Variants in RHOH observed in about 807,000 individuals in gnomAD.
RHOH encodes ras homolog family member H, also known as rho-related GTP-binding protein RhoH.
A neutral mutation model predicts 13.8 loss-of-function variants in RHOH; 6 were observed. The observed-to-expected ratio is 0.44, with a 90% confidence interval of 0.24 to 0.86. The LOEUF is 0.86. RHOH is among the 40% of genes least tolerant of loss of function. The pLI is 0.24. For synonymous variants in RHOH, 117 were observed against 103.0 expected (o/e 1.14, Z -0.82); for missense variants, 147 against 244.5 (o/e 0.60, Z 2.66).
At chr4:40,239,527 A>G (rs1398165514) in intron 1 of RHOH, among the ~76,000 whole-genome samples, 1 of 152,212 alleles carries the variant, frequency 6.6e-6, no homozygotes, top group Non-Finnish European at 1.5e-5. Flanking sequence ...AATAGGGACT[A>G]CTTACTGTGT....
chr4:40,235,616 G>GAA lies in RHOH; in HGVS notation c.-330-7088_-330-7087dup, dbSNP rs61162231. Among the ~76,000 whole-genome samples, 964 of 122,346 alleles carry GAA rather than the reference G, an allele frequency of 7.9e-3. 22 individuals carry two copies. The highest frequency in any genetic ancestry group is 0.058 in the East Asian group (243 of 4,188). The allele number at this position is 122,346 out of a possible 152,430, so 80.3% of individuals were successfully genotyped here. Reference sequence around the variant, plus strand: ...AAAAAAAAAAAAAAAAAAGAAAAAAGAAAAAAAAAAAGCAAGAACTGGTTT... The same window carrying GAA: ...AAAAAAAAAAAAAAAAAAGAAAAAAGAAAAAAAAAAAAAGCAAGAACTGGTTT... On this transcript the variant is annotated intron_variant, in intron 1 of 2. Transcript: ENST00000381799.
intron 1 of RHOH, among the ~76,000 whole-genome samples, chr4:40,225,409 T>G (rs1422117326): frequency 6.6e-6 from 1 of 151,300 alleles, no homozygotes; most frequent in Non-Finnish European, 1.5e-5. Context: ...TAAAGTTCAA[T>G]TAAAAAAAAA....
chr4:40,213,216 C>T (rs773634611), intron 1 of RHOH, among the ~76,000 whole-genome samples: 17 of 151,884 alleles, frequency 1.1e-4, no homozygotes, highest in Admixed American at 2.0e-4. Context: ...ATGTGAACAA[C>T]GGTGCAAAAA....
At chr4:40,198,575 C>T (rs2109347003) in intron 1 of RHOH, among the ~76,000 whole-genome samples, 1 of 152,344 alleles carries the variant, frequency 6.6e-6, no homozygotes, top group African/African-American at 2.4e-5. Flanking sequence ...GGGCTGCTTT[C>T]TGCATCCCTG....
chr4:40,200,140 G>T (rs1246166132), intron 1 of RHOH, among the ~76,000 whole-genome samples: 1 of 152,138 alleles, frequency 6.6e-6, no homozygotes, highest in East Asian at 1.9e-4. Context: ...GAGCAAGGAG[G>T]GTGTCAGAGA....
chr4:40,227,687 A>G (rs1727417495), intron 1 of RHOH, among the ~76,000 whole-genome samples: 1 of 152,232 alleles, frequency 6.6e-6, no homozygotes, highest in African/African-American at 2.4e-5. Flanking sequence ...ACATTTAATC[A>G]TAAAAGATTA....
intron 1 of RHOH, among the ~76,000 whole-genome samples, chr4:40,217,523 C>T (rs35220403): frequency 0.012 from 1,807 of 152,196 alleles, 24 homozygotes; most frequent in Non-Finnish European, 0.019. Context: ...TCTATTTTTA[C>T]TAAAAAATCA....
intron 1 of RHOH, among the ~76,000 whole-genome samples, chr4:40,220,858 T>C (rs950346073): frequency 6.6e-6 from 1 of 152,220 alleles, no homozygotes; most frequent in African/African-American, 2.4e-5. Flanking sequence ...AGTTTCAGGG[T>C]CATTATATAT....
chr4:40,200,689 G>C (rs1177241660), intron 1 of RHOH: 1 of 152,164 alleles, frequency 6.6e-6, no homozygotes, highest in African/African-American at 2.4e-5. Flanking sequence ...TCGGGAGCGG[G>C]GTGACTGGGT....
intron 1 of RHOH, among the ~76,000 whole-genome samples, chr4:40,226,806 A>G (rs1727298740): frequency 6.6e-6 from 1 of 152,236 alleles, no homozygotes; most frequent in Non-Finnish European, 1.5e-5. Context: ...GAGATGATCC[A>G]TCTCGAAGGA....
chr4:40,200,848 G>A (rs970572973), intron 1 of RHOH, among the ~76,000 whole-genome samples: 3 of 152,226 alleles, frequency 2.0e-5, no homozygotes, highest in Admixed American at 6.5e-5. Context: ...GCTTTCAAGC[G>A]AAAGCACCAA....
intron 1 of RHOH, among the ~76,000 whole-genome samples, chr4:40,216,863 G>A (rs1725956181): frequency 6.6e-6 from 1 of 152,194 alleles, no homozygotes; most frequent in African/African-American, 2.4e-5. Context: ...AGGATTAGAA[G>A]ATGATCTTTC....
At chr4:40,222,676 G>T (rs1726728796) in intron 1 of RHOH, among the ~76,000 whole-genome samples, 1 of 152,206 alleles carries the variant, frequency 6.6e-6, no homozygotes. Flanking sequence ...GATTAATGCT[G>T]TTTTCATGCC....
upstream of RHOH, among the ~76,000 whole-genome samples, chr4:40,193,343 C>T (rs1722799770): frequency 6.6e-6 from 1 of 152,230 alleles, no homozygotes; most frequent in Non-Finnish European, 1.5e-5. Flanking sequence ...CAAGGACAGA[C>T]TGCACAGCGT....
intron 1 of RHOH, among the ~76,000 whole-genome samples, chr4:40,237,218 C>A (rs137860453): frequency 6.6e-6 from 1 of 152,012 alleles, no homozygotes; most frequent in African/African-American, 2.4e-5. Context: ...TTTGGGAGGC[C>A]GAGGTGGGTG....
upstream of RHOH, among the ~76,000 whole-genome samples, chr4:40,195,413 CCT>C (rs1723042073): frequency 7.8e-6 from 1 of 127,754 alleles, no homozygotes; most frequent in Non-Finnish European, 1.7e-5. Context: ...TTCCTTCCTT[CCT>C]TCCCTCCCCT....
rs1445963242 is a variant in RHOH, at chr4:40,214,003, C to T, written c.-331+16703C>T. On this transcript the variant is annotated intron_variant, in intron 1 of 2. Transcript: ENST00000381799. ...AACTCCTGTGCTCAAGTGATCTGCC[C>T]GCCTCAGCTTCCCAAAGTGTTGGGA... 2.6e-5 allele frequency among the ~76,000 whole-genome samples: 4 copies of T among 152,120 alleles called. No homozygotes were observed. The South Asian group carries it at 6.2e-4, about 24-fold the overall frequency.
upstream of RHOH, among the ~76,000 whole-genome samples, chr4:40,192,715 C>G (rs750475433): frequency 2.6e-5 from 4 of 152,124 alleles, no homozygotes; most frequent in Non-Finnish European, 5.9e-5. Context: ...TTCACCTTGA[C>G]CTGAAGGGGA....
intron 1 of RHOH, among the ~76,000 whole-genome samples, chr4:40,228,758 C>T (rs944572028): frequency 1.3e-5 from 2 of 152,114 alleles, no homozygotes; most frequent in African/African-American, 4.8e-5. Context: ...AGCCCCCTCA[C>T]CTTTTCAGAC....
Sources: gnomAD v4.1 joint callset for allele counts (sites outside exome capture counted in the v4.1 genomes callset) on GRCh38, gnomAD v4.1.1 for gene constraint, MANE v1.5 for transcripts, NCBI Gene and HGNC (gene_info 2026-07-23, HGNC 2026-07-21) for gene names.